GLIS3: variants seen among roughly 807,000 people sequenced by gnomAD.
GLIS3 encodes zinc finger protein GLIS3.
GLIS3 carries 53 observed loss-of-function variants against 78.6 expected under a neutral mutation model. That is an observed-to-expected ratio of 0.67 (90% CI 0.54 to 0.85). The LOEUF (loss-of-function observed/expected upper bound fraction) is 0.85. Among genes scored for constraint, GLIS3 ranks in the 40% least tolerant of loss-of-function variants. The pLI, the probability that GLIS3 is intolerant of heterozygous loss-of-function variation, is 0.00. For synonymous variants in GLIS3, 684 were observed against 509.9 expected (o/e 1.34, Z -4.60); for missense variants, 1,703 against 1,231.1 (o/e 1.38, Z -5.74).
At chr9:4,315,214 T>A (rs1384953065) in intron 2 of GLIS3, among the ~76,000 whole-genome samples, 1 of 152,176 alleles carries the variant, frequency 6.6e-6, no homozygotes, top group Non-Finnish European at 1.5e-5. Flanking sequence ...CATTTCCTAG[T>A]GGAAGAAACA....
the GLIS3 span, among the ~76,000 whole-genome samples, chr9:4,486,235 GTCTC>G: frequency 2.6e-4 from 39 of 152,086 alleles, no homozygotes; most frequent in African/African-American, 9.2e-4. Context: ...AAACCTCAAG[GTCTC>G]TCTGACTTCC....
intron 3 of GLIS3, among the ~76,000 whole-genome samples, chr9:4,120,121 G>C (rs539165237): frequency 2.5e-4 from 38 of 152,310 alleles, no homozygotes; most frequent in African/African-American, 8.7e-4. Context: ...TGAACACATT[G>C]TTTCCAGCTG....
At chr9:4,159,899 A>G (rs1475474360) in intron 2 of GLIS3, among the ~76,000 whole-genome samples, 1 of 152,176 alleles carries the variant, frequency 6.6e-6, no homozygotes, top group Admixed American at 6.5e-5. Flanking sequence ...AAGAGCTCAG[A>G]CTCATGTCCT....
At chr9:4,307,190 G>A (rs1238840807) in intron 4 of GLIS3, among the ~76,000 whole-genome samples, 5 of 152,012 alleles carry the variant, frequency 3.3e-5, no homozygotes, top group Non-Finnish European at 5.9e-5. Flanking sequence ...GAGGTGAGAG[G>A]AGGACGCAGC....
At chr9:4,069,555 T>C (rs1337194110) in intron 4 of GLIS3, among the ~76,000 whole-genome samples, 1 of 152,250 alleles carries the variant, frequency 6.6e-6, no homozygotes, top group African/African-American at 2.4e-5. Flanking sequence ...GGTTTCTTTT[T>C]AACTTATCTG....
intron 2 of GLIS3, among the ~76,000 whole-genome samples, chr9:4,279,501 T>G (rs1827360307): frequency 6.6e-6 from 1 of 151,462 alleles, no homozygotes; most frequent in African/African-American, 2.4e-5. Context: ...ATTAAAAAAC[T>G]CTTTTGTGTC....
chr9:3,903,941 A>G (rs1015584779), intron 6 of GLIS3, among the ~76,000 whole-genome samples: 2 of 152,136 alleles, frequency 1.3e-5, no homozygotes, highest in African/African-American at 2.4e-5. Context: ...GGTGGGGTGT[A>G]ACACTGAGAG....
Position 3,937,170 on chromosome 9 carries a change from G to C in GLIS3, c.1730C>G (p.Ala577Gly), listed in dbSNP as rs750871294. The change falls in exon 5 of 11, where the codon GCC (alanine) becomes GGC (glycine). Residue 577 changes from alanine to glycine, a missense_variant. Transcript: ENST00000381971. Reference sequence around the variant, plus strand: ...CTTGAGATTTTCAAGCCTTGAAAAGGCCTTCTCGCAACCTTCAAACTGCAA... The same window carrying C: ...CTTGAGATTTTCAAGCCTTGAAAAGCCCTTCTCGCAACCTTCAAACTGCAA... The part of the protein sequence containing the change: ...NKCTFEGCEK[A>G]FSRLENLKIH... 2 of 1,614,132 alleles carry C rather than the reference G, an allele frequency of 1.2e-6. No individual in the cohort carries two copies. The highest frequency in any genetic ancestry group is 1.7e-6 in the Non-Finnish European group (2 of 1,180,012).
the GLIS3 span, among the ~76,000 whole-genome samples, chr9:4,391,320 G>A: frequency 6.6e-6 from 1 of 152,182 alleles, no homozygotes; most frequent in Non-Finnish European, 1.5e-5. Context: ...TTTTCTGTGA[G>A]AAAAGCAATT....
intron 6 of GLIS3, among the ~76,000 whole-genome samples, chr9:3,924,805 G>A (rs1002289800): frequency 2.6e-5 from 4 of 152,220 alleles, no homozygotes; most frequent in Non-Finnish European, 5.9e-5. Flanking sequence ...TATTTAGGTA[G>A]CAGAGAGCCT....
intron 2 of GLIS3, among the ~76,000 whole-genome samples, chr9:4,185,543 G>T (rs999267845): frequency 6.6e-6 from 1 of 152,260 alleles, no homozygotes; most frequent in East Asian, 1.9e-4. Flanking sequence ...GTGCCTTAAA[G>T]TTGATGGTTT....
At chr9:3,942,665 G>A (rs987403003) in intron 4 of GLIS3, among the ~76,000 whole-genome samples, 9 of 152,220 alleles carry the variant, frequency 5.9e-5, no homozygotes, top group African/African-American at 2.2e-4. Flanking sequence ...TCTAGAGCAG[G>A]CTTCCCAGCT....
intron 4 of GLIS3, among the ~76,000 whole-genome samples, chr9:4,105,789 G>C (rs1428443069): frequency 6.6e-6 from 1 of 152,002 alleles, no homozygotes; most frequent in Non-Finnish European, 1.5e-5. Flanking sequence ...CCACCATAAA[G>C]CCTCATTCTA....
chr9:4,060,313 A>T (rs1447035558), intron 4 of GLIS3, among the ~76,000 whole-genome samples: 1 of 152,030 alleles, frequency 6.6e-6, no homozygotes, highest in Non-Finnish European at 1.5e-5. Flanking sequence ...TTGAACCTCA[A>T]ATCTGGTTCC....
intron 2 of GLIS3, among the ~76,000 whole-genome samples, chr9:4,233,521 G>C (rs1822456531): frequency 6.6e-6 from 1 of 152,178 alleles, no homozygotes; most frequent in African/African-American, 2.4e-5. Context: ...GGTCTCAACA[G>C]AGGACTTAAA....
intron 9 of GLIS3, among the ~76,000 whole-genome samples, chr9:3,849,093 G>C (rs1484584058): frequency 1.3e-5 from 2 of 152,210 alleles, no homozygotes; most frequent in Non-Finnish European, 2.9e-5. Context: ...GTGGTACATG[G>C]ATGACAGAAA....
chr9:4,080,738 C>G (rs1828487235), intron 4 of GLIS3, among the ~76,000 whole-genome samples: 1 of 152,096 alleles, frequency 6.6e-6, no homozygotes, highest in South Asian at 2.1e-4. Context: ...CTAATGTCAA[C>G]AAAAGAGAGA....
At position 3,827,120 on chromosome 9, in the gene GLIS3, A is replaced by C. The variant is rs1331260; in HGVS notation, c.*1152T>G. ...TCAGACAATGGCGGCTGGTGGGGAT[A>C]TATGAACCACAGTCAGGAAGAGGGT... On this transcript the variant is annotated 3_prime_UTR_variant, in exon 11 of 11. Coordinates refer to ENST00000381971, the MANE Select transcript of GLIS3 (RefSeq NM_001042413.2). 0.39 allele frequency: 59,483 copies of C among 152,036 alleles called. 11,718 individuals are homozygous for C. Among genetic ancestry groups the C allele is most frequent in the South Asian group, 0.48 (2,292 of 4,822 alleles). The allele number at this position is 152,036 out of a possible 1,614,324, so 9.4% of individuals were successfully genotyped here.
At chr9:4,375,197 A>G in the GLIS3 span, among the ~76,000 whole-genome samples, 1 of 152,194 alleles carries the variant, frequency 6.6e-6, no homozygotes, top group South Asian at 2.1e-4. Flanking sequence ...AGCCTCGTTC[A>G]AAAGAGGTTT....
Sources: gnomAD v4.1 joint callset for allele counts (sites outside exome capture counted in the v4.1 genomes callset) on GRCh38, gnomAD v4.1.1 for gene constraint, MANE v1.5 for transcripts, NCBI Gene and HGNC (gene_info 2026-07-23, HGNC 2026-07-21) for gene names.